Variants in DNER observed in about 807,000 individuals in gnomAD.
DNER encodes the protein delta and Notch-like epidermal growth factor-related receptor.
DNER carries 33 observed loss-of-function variants against 78.2 expected under a neutral mutation model. That is an observed-to-expected ratio of 0.42 (90% confidence interval 0.32 to 0.56). The LOEUF (loss-of-function observed/expected upper bound fraction) is 0.56, where lower values mean the gene tolerates loss of function less well. DNER is among the 20% of genes least tolerant of loss of function. DNER has a pLI of 0.11. For synonymous variants in DNER, 417 were observed against 384.8 expected (o/e 1.08, Z -0.98); for missense variants, 918 against 975.3 (o/e 0.94, Z 0.78).
chr2:229,382,450 G>A (rs1163616636), intron 11 of DNER, among the ~76,000 whole-genome samples: 1 of 152,048 alleles, frequency 6.6e-6, no homozygotes, highest in Non-Finnish European at 1.5e-5. Context: ...TCCAGAAGGT[G>A]GGTAATAACA....
chr2:229,453,240 T>C (rs1474156617), intron 7 of DNER, among the ~76,000 whole-genome samples: 2 of 152,320 alleles, frequency 1.3e-5, no homozygotes, highest in East Asian at 3.9e-4. Flanking sequence ...TAAGTGTTAA[T>C]AAGAAGCAGC....
chr2:229,547,279 G>T (rs891425407), intron 4 of DNER, among the ~76,000 whole-genome samples, 187 bp from the exon 5 acceptor site: 4 of 152,160 alleles, frequency 2.6e-5, no homozygotes, highest in Non-Finnish European at 5.9e-5. Context: ...GAGACCTCAG[G>T]ACTTTAGGGC....
chr2:229,486,038 C>T (rs1466399272), intron 6 of DNER, among the ~76,000 whole-genome samples: 1 of 152,146 alleles, frequency 6.6e-6, no homozygotes, highest in Non-Finnish European at 1.5e-5. Flanking sequence ...TCAGCTCTCA[C>T]CCTGGGGGGA....
chr2:229,696,341 G>A (rs1353540830), intron 1 of DNER, among the ~76,000 whole-genome samples: 2 of 152,236 alleles, frequency 1.3e-5, no homozygotes, highest in African/African-American at 4.8e-5. Flanking sequence ...TCTGCATGAT[G>A]TATTAAATGT....
At chr2:229,528,466 T>C (rs1431813403) in intron 5 of DNER, among the ~76,000 whole-genome samples, 1 of 152,224 alleles carries the variant, frequency 6.6e-6, no homozygotes, top group African/African-American at 2.4e-5. Flanking sequence ...ACCACAGCCC[T>C]GTGACATAGA....
chr2:229,584,829 G>A (rs566466531), intron 4 of DNER, among the ~76,000 whole-genome samples: 2 of 151,168 alleles, frequency 1.3e-5, no homozygotes, highest in Admixed American at 1.3e-4. Context: ...AGCTACTTGG[G>A]AGGCTGAGGC....
At chr2:229,707,901 C>T (rs997458871) in intron 1 of DNER, among the ~76,000 whole-genome samples, 1 of 152,206 alleles carries the variant, frequency 6.6e-6, no homozygotes, top group Non-Finnish European at 1.5e-5. Context: ...CTCTGATGGG[C>T]CAGGCACTGG....
intron 11 of DNER, among the ~76,000 whole-genome samples, chr2:229,383,227 C>T (rs368414241): frequency 2.0e-5 from 3 of 152,236 alleles, no homozygotes; most frequent in Non-Finnish European, 4.4e-5. Context: ...GATTTTGTTA[C>T]CACCAGGCCT....
intron 1 of DNER, among the ~76,000 whole-genome samples, chr2:229,697,770 C>T (rs1326001862): frequency 1.3e-5 from 2 of 152,240 alleles, no homozygotes; most frequent in Non-Finnish European, 2.9e-5. Flanking sequence ...AGCAGCCCTT[C>T]ATCAGGAGAA....
chr2:229,477,015 A>T, intron 7 of DNER, 125 bp downstream of exon 7: 2 of 723,866 alleles, frequency 2.8e-6, no homozygotes, highest in Admixed American at 3.2e-5. Flanking sequence ...TTTTTGTTTT[A>T]TAAATCAAAC....
At chr2:229,428,097 A>G (rs540001900) in intron 8 of DNER, among the ~76,000 whole-genome samples, 2 of 151,560 alleles carry the variant, frequency 1.3e-5, no homozygotes, top group South Asian at 2.1e-4. Flanking sequence ...AAAAAAGAGA[A>G]AAAAAGAAAA....
rs756405457 is a variant in DNER at position 229,447,380 on chromosome 2, G to C, written c.1422C>G (p.Leu474=). The change falls in exon 8 of 13, where the codon CTC becomes CTG. Residue 474 remains leucine, a synonymous_variant. Transcript: ENST00000341772. The part of the protein sequence containing the change: ...TCAQLIDFCA[L]SPCAHGTCRS... ...GGCACGTGCCATGAGCACAGGGGCT[G>C]AGGGCACAGAAGTCAATAAGCTGGG... The C allele has an allele frequency of 1.4e-5, 23 of 1,613,056 alleles. No homozygotes were observed. Among genetic ancestry groups the C allele is most frequent in the African/African-American group, 2.7e-5 (2 of 74,926 alleles).
In DNER at chr2:229,366,974, A is replaced by G. The variant is rs201490102; in HGVS notation, c.2001T>C (p.Ile667=). ...LIVGICRISR[I]EYQGSSRPAY... The stretch of plus-strand genomic sequence containing the variant: ...CTGGCCTGGAAGAACCCTGGTATTC[A>G]ATGCGGCTGATGCGGCAAATCCCCA... Residue 667 remains isoleucine (I), a synonymous_variant, in exon 12 of 13, where the codon ATT becomes ATC. Coordinates refer to ENST00000341772, the MANE Select transcript of DNER (RefSeq NM_139072.4). 12 of 1,614,076 alleles carry G rather than the reference A, an allele frequency of 7.4e-6. No individual in the cohort carries two copies. The highest frequency in any genetic ancestry group is 2.7e-5 in the African/African-American group (2 of 74,926).
At chr2:229,486,004 T>C (rs1406407170) in intron 6 of DNER, among the ~76,000 whole-genome samples, 1 of 152,170 alleles carries the variant, frequency 6.6e-6, no homozygotes, top group African/African-American at 2.4e-5. Context: ...TGAATGCTGA[T>C]GCTACCAAGA....
chr2:229,613,608 T>C (rs770670093), intron 1 of DNER, among the ~76,000 whole-genome samples: 14 of 151,892 alleles, frequency 9.2e-5, no homozygotes. Context: ...AATGCCAGAT[T>C]GTTTTTACTA....
chr2:229,381,592 G>T (rs1237261784), intron 11 of DNER, among the ~76,000 whole-genome samples: 1 of 152,108 alleles, frequency 6.6e-6, no homozygotes, highest in Non-Finnish European at 1.5e-5. Flanking sequence ...CTTGGTGGGG[G>T]GAGGGGCGTC....
At chr2:229,487,535 T>C (rs181244034) in intron 6 of DNER, among the ~76,000 whole-genome samples, 1 of 152,210 alleles carries the variant, frequency 6.6e-6, no homozygotes. Flanking sequence ...GAAGTTGAAA[T>C]CAAAAGAAAG....
intron 11 of DNER, among the ~76,000 whole-genome samples, chr2:229,367,855 G>A (rs1419462082): frequency 1.3e-5 from 2 of 152,098 alleles, no homozygotes; most frequent in African/African-American, 2.4e-5. Flanking sequence ...CCCATTTTAG[G>A]ATTTATGCTG....
At chr2:229,398,333 T>C (rs1693194565) in intron 10 of DNER, among the ~76,000 whole-genome samples, 2 of 148,494 alleles carry the variant, frequency 1.3e-5, no homozygotes, top group African/African-American at 5.3e-5. Context: ...TAAATACTTT[T>C]ATAACTATTG....
Sources: gnomAD v4.1 joint callset for allele counts (sites outside exome capture counted in the v4.1 genomes callset) on GRCh38, gnomAD v4.1.1 for gene constraint, MANE v1.5 for transcripts, NCBI Gene and HGNC (gene_info 2026-07-23, HGNC 2026-07-21) for gene names.